ZNF662: variants seen among roughly 807,000 people sequenced by gnomAD.
ZNF662 encodes the protein zinc finger protein 662.
ZNF662 carries 14 observed loss-of-function variants against 12.4 expected under a neutral mutation model. The observed-to-expected ratio is 1.13, with a 90% CI of 0.75 to 1.77. ZNF662 has a LOEUF of 1.77. Ranked by LOEUF, ZNF662 falls within the 40% of genes most tolerant of loss-of-function variation. ZNF662 has a pLI of 0.00. For missense variants in ZNF662, 550 were observed against 515.6 expected (o/e 1.07, Z -0.65); for synonymous variants, 184 against 176.4 (o/e 1.04, Z -0.34).
In ZNF662 at chr3:42,918,326, A is replaced by G. The variant is rs2088915559; in HGVS notation, c.*2972A>G. 6.6e-6 allele frequency among the ~76,000 whole-genome samples: 1 copy of G among 152,156 alleles called. No individual in the cohort carries two copies. The highest frequency in any genetic ancestry group is 6.5e-5 in the Admixed American group (1 of 15,268). On this transcript the variant is annotated 3_prime_UTR_variant, in exon 5 of 5. Transcript: ENST00000440367. ...TATTAAGTGAAAAGGAAAACTCTCAACAAAAAGAGGGGTCCTGCATGCAGG... is the reference window on the plus strand; with the variant it reads ...TATTAAGTGAAAAGGAAAACTCTCAGCAAAAAGAGGGGTCCTGCATGCAGG...
At chr3:42,913,679 A>G in intron 4 of ZNF662, among the ~76,000 whole-genome samples, 1 of 152,182 alleles carries the variant, frequency 6.6e-6, no homozygotes, top group East Asian at 1.9e-4. Flanking sequence ...TCACAGTCTC[A>G]TGGGACATGA....
chr3:42,906,378 G>T lies in ZNF662; in HGVS notation c.-94+210G>T. 6.6e-7 allele frequency: 1 copy of T among 1,525,378 alleles called. No individual in the cohort carries two copies. Among genetic ancestry groups the T allele is most frequent in the South Asian group, 1.2e-5 (1 of 82,830 alleles). The allele number at this position is 1,525,378 out of a possible 1,614,324, so 94.5% of individuals were successfully genotyped here. A position where few individuals can be genotyped will look rare whatever the true frequency, so the allele number is the denominator to read the frequency against. ...TGGCGGCCGTGGCGCTGGCGAGCGG[G>T]ACACGCCTCGGCCTTGTCCTCGAGC... On this transcript the variant is annotated intron_variant, in intron 1 of 4. Transcript: ENST00000440367. The surrounding 1 kb of genome is among the most constrained non-coding windows in gnomAD (Gnocchi z 4.4).
rs1468278122 is a variant in ZNF662 at position 42,906,286 on chromosome 3, C to A, written c.-94+118C>A. On this transcript the variant is annotated intron_variant, in intron 1 of 4. Transcript: ENST00000440367. The surrounding 1 kb of genome is among the most constrained non-coding windows in gnomAD (Gnocchi z 4.4). ...GCCTGCCCAGGTGCAGAGCGCTCTT[C>A]CGCGACCCCAACAGCCTCTGGTCCG... The A allele has an allele frequency of 3.4e-6, 5 of 1,476,322 alleles. No individual in the cohort carries two copies. The highest frequency in any genetic ancestry group is 4.5e-6 in the Non-Finnish European group (5 of 1,105,326). The allele number at this position is 1,476,322 out of a possible 1,614,324, so 91.5% of individuals were successfully genotyped here.
intron 4 of ZNF662, among the ~76,000 whole-genome samples, chr3:42,913,965 C>G (rs2088863813): frequency 1.3e-5 from 2 of 151,924 alleles, no homozygotes; most frequent in South Asian, 4.1e-4. Flanking sequence ...TTCCTTATTT[C>G]TGAACAGGTC....
rs1559381608 is a variant in ZNF662 at position 42,912,709 on chromosome 3, T to TATATATATATATTTTTTATATATATAA, written c.152-479_152-453dup. The stretch of plus-strand genomic sequence containing the variant: ...TATATATATATTTTATATATATAAA[T>TATATATATATATTTTTTATATATATAA]ATATATATATATTTTTTATATATAT... On this transcript the variant is annotated intron_variant, in intron 3 of 4. Transcript: ENST00000440367. Among the ~76,000 whole-genome samples, 50 of 68,212 alleles carry TATATATATATATTTTTTATATATATAA rather than the reference T, an allele frequency of 7.3e-4. 3 individuals are homozygous for TATATATATATATTTTTTATATATATAA. Among genetic ancestry groups the TATATATATATATTTTTTATATATATAA allele is most frequent in the East Asian group, 3.5e-3 (11 of 3,174 alleles). 44.7% of individuals were successfully genotyped at this position (68,212 alleles called of 152,430 possible). A position where few individuals can be genotyped will look rare whatever the true frequency, so the allele number is the denominator to read the frequency against.
At chr3:42,912,370 GATATATTAA>G (rs1230117518) in intron 3 of ZNF662, among the ~76,000 whole-genome samples, 2 of 88,738 alleles carry the variant, frequency 2.3e-5, no homozygotes, top group East Asian at 3.1e-4. Context: ...TATTATATAT[GATATATTAA>G]ATATATATAA....
chr3:42,916,318 C>T lies in ZNF662; in HGVS notation c.*964C>T, dbSNP rs1347311371. On this transcript the variant is annotated 3_prime_UTR_variant, in exon 5 of 5. Transcript: ENST00000440367. ...TTCAGAAGTTGCTTTCCTTTTGAGG[C>T]CACCAAAGTAATTTAGGGAAACAGC... The T allele has an allele frequency of 6.6e-6, 1 of 151,554 alleles. No individual in the cohort carries two copies. The highest frequency in any genetic ancestry group is 2.4e-5 in the African/African-American group (1 of 41,234). 9.4% of individuals were successfully genotyped at this position (151,554 alleles called of 1,614,324 possible).
chr3:42,914,509 C>A lies in ZNF662; in HGVS notation c.436C>A (p.Arg146Ser), dbSNP rs769918177. The A allele has an allele frequency of 1.2e-6, 2 of 1,613,686 alleles. No individual in the cohort carries two copies. The highest frequency in any genetic ancestry group is 8.5e-7 in the Non-Finnish European group (1 of 1,179,946). ...ATGGCCTGGTTACCTCAATGGGGGA[C>A]GTATGGAAAGTTCTACAAATGATAT... ...GRWPGYLNGG[R>S]MESSTNDIIE... The change falls in exon 5 of 5, where the codon CGT (arginine) becomes AGT (serine). Residue 146 changes from arginine (R) to serine (S), a missense_variant. Transcript: ENST00000440367.
At position 42,906,440 on chromosome 3, in the gene ZNF662, G is replaced by T; in HGVS notation, c.-94+272G>T. 6.9e-7 allele frequency: 1 copy of T among 1,456,498 alleles called. No individual in the cohort carries two copies. Among genetic ancestry groups the T allele is most frequent in the South Asian group, 1.4e-5 (1 of 72,800 alleles). 90.2% of individuals were successfully genotyped at this position (1,456,498 alleles called of 1,614,324 possible). A position where few individuals can be genotyped will look rare whatever the true frequency, so the allele number is the denominator to read the frequency against. On this transcript the variant is annotated intron_variant, in intron 1 of 4. Transcript: ENST00000440367. This position sits in a 1 kb window ranked among gnomAD's most constrained non-coding sequence, Gnocchi z 4.4. Reference sequence around the variant, plus strand: ...CAGCCCGCGCTGCCCCGGGCGCGCCGGGTGAGTGCGGGGCCGGAGCCTGGA... The same window carrying T: ...CAGCCCGCGCTGCCCCGGGCGCGCCTGGTGAGTGCGGGGCCGGAGCCTGGA...
chr3:42,916,542 T>G lies in ZNF662; in HGVS notation c.*1188T>G, dbSNP rs1335214904. ...ACCATGCCTGGCTAATATTTTTTAT[T>G]TTTAGTAGAGACGGGGTTTCACCAT... On this transcript the variant is annotated 3_prime_UTR_variant, in exon 5 of 5. Transcript: ENST00000440367. 6.6e-6 allele frequency: 1 copy of G among 152,040 alleles called. No homozygotes were observed. The highest frequency in any genetic ancestry group is 2.4e-5 in the African/African-American group (1 of 41,342). 9.4% of individuals were successfully genotyped at this position (152,040 alleles called of 1,614,324 possible).
intron 3 of ZNF662, among the ~76,000 whole-genome samples, chr3:42,911,244 A>G (rs568247940): frequency 1.3e-5 from 2 of 152,266 alleles, no homozygotes; most frequent in East Asian, 3.9e-4. Flanking sequence ...TCAGTCTCTC[A>G]TGTAGTGAGT....
At chr3:42,907,635 A>G in intron 1 of ZNF662, 3 of 965,926 alleles carry the variant, frequency 3.1e-6, no homozygotes, top group Non-Finnish European at 3.7e-6. Context: ...ATATATGTCA[A>G]GTGCTTGGCA....
chr3:42,918,811 T>C lies in ZNF662; in HGVS notation c.*3457T>C, dbSNP rs1399265765. ...CATGAACATTCAGAGTTCAATGGCC[T>C]GAAGGTGAGAAGAGACAAACCAGGT... On this transcript the variant is annotated 3_prime_UTR_variant, in exon 5 of 5. Transcript: ENST00000440367. Among the ~76,000 whole-genome samples, 1 of 152,094 alleles carries C rather than the reference T, an allele frequency of 6.6e-6. No individual in the cohort carries two copies. Among genetic ancestry groups the C allele is most frequent in the Non-Finnish European group, 1.5e-5 (1 of 68,034 alleles).
chr3:42,906,265 GC>G lies in ZNF662; in HGVS notation c.-94+100del. On this transcript the variant is annotated intron_variant, in intron 1 of 4. Coordinates refer to ENST00000440367, the MANE Select transcript of ZNF662 (RefSeq NM_207404.4). The surrounding 1 kb of genome is among the most constrained non-coding windows in gnomAD (Gnocchi z 4.4). ...GGCGCAGGGTAGCCGTGTCAGGCCT[GC>G]CCAGGTGCAGAGCGCTCTTCCGCGA... is the stretch of plus-strand genomic sequence containing the variant. 7.8e-7 allele frequency: 1 copy of G among 1,290,084 alleles called. No individual in the cohort carries two copies. Among genetic ancestry groups the G allele is most frequent in the Admixed American group, 2.3e-5 (1 of 43,572 alleles). 79.9% of individuals were successfully genotyped at this position (1,290,084 alleles called of 1,614,324 possible).
rs1434956401 is a variant in ZNF662, at chr3:42,906,163, T to C, written c.-99T>C. On this transcript the variant is annotated 5_prime_UTR_variant, in exon 1 of 5. Coordinates refer to ENST00000440367, the MANE Select transcript of ZNF662 (RefSeq NM_207404.4). The surrounding 1 kb of genome is among the most constrained non-coding windows in gnomAD (Gnocchi z 4.4). ...CCCCGGCCTCCCGGATGCTGGGGCCTGGCGGGTGTGGAGCACGGGGAGTCG... is the reference window on the plus strand; with the variant it reads ...CCCCGGCCTCCCGGATGCTGGGGCCCGGCGGGTGTGGAGCACGGGGAGTCG... The C allele has an allele frequency of 2.2e-5, 12 of 547,396 alleles. No individual in the cohort carries two copies. Among genetic ancestry groups the C allele is most frequent in the Middle Eastern group, 4.7e-4 (1 of 2,128 alleles). The allele number at this position is 547,396 out of a possible 1,614,324, so 33.9% of individuals were successfully genotyped here. A position where few individuals can be genotyped will look rare whatever the true frequency, so the allele number is the denominator to read the frequency against.
intron 4 of ZNF662, 59 bp downstream of exon 4, chr3:42,913,361 T>C: frequency 7.1e-7 from 1 of 1,414,152 alleles, no homozygotes; most frequent in Non-Finnish European, 1.0e-6. Context: ...ATCTTTCTTT[T>C]ATAAGATGTA....
At chr3:42,907,080 G>T (rs2088693297) in intron 1 of ZNF662, among the ~76,000 whole-genome samples, 1 of 152,210 alleles carries the variant, frequency 6.6e-6, no homozygotes, top group South Asian at 2.1e-4. Context: ...ACCAGAATGG[G>T]CTCCTCCACA....
chr3:42,915,603 A>AT lies in ZNF662; in HGVS notation c.*250dup. The AT allele has an allele frequency of 2.5e-6, 1 of 398,910 alleles. No individual in the cohort carries two copies. The highest frequency in any genetic ancestry group is 4.4e-6 in the Non-Finnish European group (1 of 225,590). The allele number at this position is 398,910 out of a possible 1,614,324, so 24.7% of individuals were successfully genotyped here. ...AACCACTTTACATACATTAATTTGC[A>AT]TAACAATCCTATTAAGGTAGGTGCT... On this transcript the variant is annotated 3_prime_UTR_variant, in exon 5 of 5. Transcript: ENST00000440367.
intron 3 of ZNF662, 41 bp from the exon 4 acceptor site, chr3:42,913,160 T>G: frequency 6.7e-7 from 1 of 1,487,442 alleles, no homozygotes. Flanking sequence ...GGCCTCACTC[T>G]TCTGACTGAG....
Sources: gnomAD v4.1 joint callset for allele counts (sites outside exome capture counted in the v4.1 genomes callset) on GRCh38, gnomAD v4.1.1 for gene constraint, Gnocchi (gnomAD v3.1) non-coding constraint, MANE v1.5 for transcripts, NCBI Gene and HGNC (gene_info 2026-07-23, HGNC 2026-07-21) for gene names.